Variants in STX8 observed in about 807,000 individuals in gnomAD.
STX8 encodes the protein syntaxin-8.
STX8 carries 23 observed loss-of-function variants against 37.5 expected under a neutral mutation model. The ratio of observed to expected loss-of-function variants is 0.61; its 90% confidence interval spans 0.44 to 0.87. The LOEUF is 0.87. Ranked by LOEUF, STX8 falls within the 40% of genes least tolerant of loss-of-function variation. The pLI, the probability that STX8 is intolerant of heterozygous loss-of-function variation, is 0.00. For missense variants in STX8, 313 were observed against 284.7 expected (o/e 1.10, Z -0.71); for synonymous variants, 115 against 99.1 (o/e 1.16, Z -0.95).
At chr17:9,479,751 T>C (rs950370595) in intron 6 of STX8, among the ~76,000 whole-genome samples, 1 of 151,954 alleles carries the variant, frequency 6.6e-6, no homozygotes, top group Non-Finnish European at 1.5e-5. Flanking sequence ...AACCACTGAC[T>C]CTACTTTATA....
intron 6 of STX8, among the ~76,000 whole-genome samples, chr17:9,424,202 C>T (rs568398484): frequency 6.6e-6 from 1 of 152,048 alleles, no homozygotes; most frequent in African/African-American, 2.4e-5. Flanking sequence ...CAGTCCTGAG[C>T]CCTGACAAGA....
At chr17:9,286,739 G>A (rs542240393) in intron 7 of STX8, among the ~76,000 whole-genome samples, 5 of 151,564 alleles carry the variant, frequency 3.3e-5, no homozygotes, top group South Asian at 2.1e-4. Flanking sequence ...CCCTTGGGAC[G>A]GTGTGTGGTG....
At chr17:9,532,777 A>G (rs1315465200) in intron 4 of STX8, among the ~76,000 whole-genome samples, 2 of 152,162 alleles carry the variant, frequency 1.3e-5, no homozygotes, top group Non-Finnish European at 2.9e-5. Context: ...TGACATATCT[A>G]GTTTCTCTCT....
At chr17:9,426,744 A>G (rs1371891967) in intron 6 of STX8, among the ~76,000 whole-genome samples, 4 of 152,150 alleles carry the variant, frequency 2.6e-5, no homozygotes, top group Non-Finnish European at 5.9e-5. Flanking sequence ...CCTGGGTGAC[A>G]GTGCGAGACT....
chr17:9,478,240 A>T (rs1006410620), intron 6 of STX8, among the ~76,000 whole-genome samples: 1 of 152,072 alleles, frequency 6.6e-6, no homozygotes, highest in African/African-American at 2.4e-5. Context: ...GGTTCAAGTG[A>T]TTCTCCTACC....
intron 6 of STX8, among the ~76,000 whole-genome samples, chr17:9,450,481 C>G (rs1563677): frequency 0.51 from 77,679 of 151,378 alleles, 21,262 homozygotes; most frequent in East Asian, 0.72. Context: ...CCCATATATA[C>G]GGATGTGTGT....
chr17:9,435,415 A>G (rs9904459), intron 6 of STX8, among the ~76,000 whole-genome samples: 77,623 of 151,942 alleles, frequency 0.51, 20,437 homozygotes, highest in Middle Eastern at 0.61. Flanking sequence ...CAAAGACAGA[A>G]CCCTGAAGAG....
chr17:9,346,443 T>A (rs1005730404), intron 7 of STX8, among the ~76,000 whole-genome samples: 20 of 152,116 alleles, frequency 1.3e-4, no homozygotes, highest in Admixed American at 1.3e-3. Context: ...CTCTGGTGTG[T>A]CATGGAAAAT....
chr17:9,355,046 C>T (rs1910831448), intron 7 of STX8, among the ~76,000 whole-genome samples: 1 of 152,114 alleles, frequency 6.6e-6, no homozygotes, highest in Non-Finnish European at 1.5e-5. Context: ...CCTCCCACCC[C>T]TAGGGAGGCA....
At chr17:9,434,292 T>C (rs548510125) in intron 6 of STX8, among the ~76,000 whole-genome samples, 7 of 152,314 alleles carry the variant, frequency 4.6e-5, no homozygotes, top group African/African-American at 1.4e-4. Context: ...CGTGAGCCAC[T>C]GCGCCCAGCC....
chr17:9,470,348 C>G (rs1195458499), intron 6 of STX8, among the ~76,000 whole-genome samples: 1 of 152,234 alleles, frequency 6.6e-6, no homozygotes, highest in East Asian at 1.9e-4. Flanking sequence ...TGCTCAAGCA[C>G]TTGGTTCTAA....
At chr17:9,262,622 G>A (rs1448534345) in intron 7 of STX8, among the ~76,000 whole-genome samples, 3 of 150,914 alleles carry the variant, frequency 2.0e-5, no homozygotes, top group African/African-American at 4.9e-5. Context: ...TTGCTCTGTC[G>A]CCAGGCTAGA....
At chr17:9,467,092 T>A (rs1189906351) in intron 6 of STX8, 1 of 152,226 alleles carries the variant, frequency 6.6e-6, no homozygotes, top group East Asian at 1.9e-4. Flanking sequence ...GGTTACACCA[T>A]GTTGGCCAGG....
At chr17:9,453,885 T>C (rs983879734) in intron 6 of STX8, among the ~76,000 whole-genome samples, 57 of 152,214 alleles carry the variant, frequency 3.7e-4, no homozygotes, top group African/African-American at 1.3e-3. Context: ...AGGGGACTTA[T>C]GGGTAAGAGT....
At chr17:9,529,669 C>T (rs1022147606) in intron 4 of STX8, among the ~76,000 whole-genome samples, 1 of 152,192 alleles carries the variant, frequency 6.6e-6, no homozygotes, top group African/African-American at 2.4e-5. Context: ...TGTGTAAACT[C>T]TTCTGTCTGA....
chr17:9,373,085 C>G (rs1370220955), intron 7 of STX8, among the ~76,000 whole-genome samples: 2 of 126,850 alleles, frequency 1.6e-5, no homozygotes, highest in Non-Finnish European at 3.3e-5. Flanking sequence ...GCCTGGGAAA[C>G]AAGAGCAAGA....
At chr17:9,458,824 T>C (rs1268079060) in intron 6 of STX8, among the ~76,000 whole-genome samples, 1 of 111,844 alleles carries the variant, frequency 8.9e-6, no homozygotes, top group East Asian at 2.8e-4. Context: ...ACTCCAGTTA[T>C]TTAATTTTTT....
At chr17:9,543,581 A>C (rs1309074029) in intron 4 of STX8, among the ~76,000 whole-genome samples, 1 of 152,178 alleles carries the variant, frequency 6.6e-6, no homozygotes, top group Non-Finnish European at 1.5e-5. Context: ...CTAGGCTTAC[A>C]GGCGTGAGCC....
chr17:9,307,411 G>C (rs561124315), intron 7 of STX8, among the ~76,000 whole-genome samples: 25 of 152,110 alleles, frequency 1.6e-4, no homozygotes, highest in Non-Finnish European at 2.6e-4. Context: ...TCTTCCTCTC[G>C]GGTCAGCCAA....
Sources: allele counts gnomAD v4.1 joint callset (sites outside exome capture counted in the v4.1 genomes callset), GRCh38; gene constraint gnomAD v4.1.1; transcripts MANE v1.5; gene names NCBI Gene and HGNC (gene_info 2026-07-23, HGNC 2026-07-21).